The following PCDHA13 variants were observed in gnomAD, a reference collection of about 807,000 sequenced individuals.
PCDHA13 encodes the protein protocadherin alpha 13.
In PCDHA13, 54 loss-of-function variants were observed where a neutral mutation model predicts 64.8. That is an observed-to-expected ratio of 0.83 (90% CI 0.67 to 1.04). PCDHA13 has a LOEUF of 1.04. Ranked by LOEUF, PCDHA13 falls within the 50% of genes least tolerant of loss-of-function variation. The pLI is 0.00. For missense variants in PCDHA13, 1,248 were observed against 1,254.3 expected (o/e 0.99, Z 0.08); for synonymous variants, 587 against 564.4 (o/e 1.04, Z -0.57).
Position 140,988,605 on chromosome 5 carries a change from A to G in PCDHA13, c.2542+6042A>G, listed in dbSNP as rs558232011. Among the ~76,000 whole-genome samples, 7 of 152,332 alleles carry G rather than the reference A, an allele frequency of 4.6e-5. No homozygotes were observed. In the East Asian group the frequency reaches 1.2e-3, roughly 25 times the overall value. On this transcript the variant is annotated intron_variant, in intron 3 of 3. Coordinates refer to ENST00000289272, the MANE Select transcript of PCDHA13 (RefSeq NM_018904.3). ...TTCCACTTTTAATGGTCATGTAAAT[A>G]AAAGACTAGAATGGAGATGTCCTGG...
At chr5:140,967,944 A>G (rs782135204) in intron 1 of PCDHA13, 4 of 1,613,970 alleles carry the variant, frequency 2.5e-6, no homozygotes. Flanking sequence ...AATGACCAAG[A>G]CTCAGGCCCC....
intron 1 of PCDHA13, chr5:140,928,699 G>C (rs782291734): frequency 1.2e-6 from 2 of 1,614,170 alleles, no homozygotes; most frequent in East Asian, 2.2e-5. Flanking sequence ...CATCTCCCGG[G>C]CGTCTGACTC....
intron 1 of PCDHA13, among the ~76,000 whole-genome samples, chr5:140,914,094 T>A (rs563496078): frequency 6.9e-4 from 105 of 152,324 alleles, no homozygotes; most frequent in African/African-American, 2.5e-3. Context: ...GTCAATTTGT[T>A]CTATAGTGCA....
intron 1 of PCDHA13, among the ~76,000 whole-genome samples, chr5:140,910,513 A>G (rs1293675976): frequency 2.0e-5 from 3 of 152,184 alleles, no homozygotes; most frequent in Non-Finnish European, 4.4e-5. Flanking sequence ...CTCTTCAAGG[A>G]TGCAGGTACT....
At chr5:140,935,232 A>G (rs2090253350) in intron 1 of PCDHA13, among the ~76,000 whole-genome samples, 1 of 152,110 alleles carries the variant, frequency 6.6e-6, no homozygotes, top group African/African-American at 2.4e-5. Context: ...AGGGATGTCT[A>G]TTTTTTAAAA....
Position 140,978,986 on chromosome 5 carries a change from C to A in PCDHA13, c.2432C>A (p.Ser811Tyr). The change falls in exon 2 of 4, where the codon TCC becomes TAC. Residue 811 changes from serine (S) to tyrosine (Y), a missense_variant. Ser to Tyr is a moderately radical substitution (Grantham distance 144). Coordinates refer to ENST00000289272, the MANE Select transcript of PCDHA13 (RefSeq NM_018904.3). ...AACCCTGACTGGCGTTACTCTGCCT[C>A]CCTGAGAGCAGGCATGCACAGGTAT... ...QPNPDWRYSA[S>Y]LRAGMHSSVH... is the part of the protein sequence containing the mutation. The A allele has an allele frequency of 6.2e-7, 1 of 1,614,190 alleles. No homozygotes were observed. The highest frequency in any genetic ancestry group is 1.7e-5 in the Admixed American group (1 of 60,026).
chr5:140,965,424 G>A (rs2095899424), intron 1 of PCDHA13, among the ~76,000 whole-genome samples: 1 of 152,086 alleles, frequency 6.6e-6, no homozygotes, highest in African/African-American at 2.4e-5. Flanking sequence ...AGGAAGATAA[G>A]CTGCAGTCAT....
intron 1 of PCDHA13, among the ~76,000 whole-genome samples, chr5:140,941,214 C>CCTTTCTTTCTTCCTTT (rs2092876516): frequency 8.2e-6 from 1 of 122,414 alleles, no homozygotes; most frequent in Non-Finnish European, 1.7e-5. Context: ...TTTCTTTCTT[C>CCTTTCTTTCTTCCTTT]CTTTCTTTCT....
chr5:140,965,326 A>T (rs184855153), intron 1 of PCDHA13, among the ~76,000 whole-genome samples: 1 of 152,298 alleles, frequency 6.6e-6, no homozygotes, highest in African/African-American at 2.4e-5. Context: ...TACTGAAGTG[A>T]ATTTGTTGTC....
intron 1 of PCDHA13, among the ~76,000 whole-genome samples, chr5:140,912,343 ATTT>A (rs35252606): frequency 2.8e-5 from 4 of 143,838 alleles, no homozygotes; most frequent in African/African-American, 5.1e-5. Context: ...TACACTAAGT[ATTT>A]TTTTTTTTTT....
intron 1 of PCDHA13, among the ~76,000 whole-genome samples, chr5:140,936,899 A>G (rs2091202352): frequency 6.6e-6 from 1 of 152,188 alleles, no homozygotes; most frequent in South Asian, 2.1e-4. Context: ...AATTGGCACT[A>G]TATTGAATCT....
chr5:140,982,584 C>T (rs1554244599), intron 3 of PCDHA13, 21 bp downstream of exon 3: 1 of 1,612,032 alleles, frequency 6.2e-7, no homozygotes, highest in East Asian at 2.2e-5. Flanking sequence ...GGGGTCTCTC[C>T]ATTCTTTCTT....
chr5:140,959,622 A>T (rs1489618654), intron 1 of PCDHA13, among the ~76,000 whole-genome samples: 1 of 152,194 alleles, frequency 6.6e-6, no homozygotes, highest in Admixed American at 6.5e-5. Flanking sequence ...TTGTGATAGA[A>T]AAAAAGAGAG....
intron 3 of PCDHA13, among the ~76,000 whole-genome samples, chr5:140,997,683 T>C (rs782444752): frequency 6.6e-6 from 1 of 152,044 alleles, no homozygotes; most frequent in Non-Finnish European, 1.5e-5. Context: ...TGTGTGTGTG[T>C]GTGTGTGTGT....
At position 140,955,726 on chromosome 5, in the gene PCDHA13, C is replaced by A. The variant is rs934215613; in HGVS notation, c.2395-23223C>A. Among the ~76,000 whole-genome samples the A allele has an allele frequency of 8.5e-5, 13 of 152,264 alleles. No individual in the cohort carries two copies. In the South Asian group the frequency reaches 2.5e-3, roughly 29 times the overall value. Reference sequence around the variant, plus strand: ...AAGTTTAATAGGAATACCATTGAATCTATAAATTACTTTGAGCATTATTGC... The same window carrying A: ...AAGTTTAATAGGAATACCATTGAATATATAAATTACTTTGAGCATTATTGC... On this transcript the variant is annotated intron_variant, in intron 1 of 3. Coordinates refer to ENST00000289272, the MANE Select transcript of PCDHA13 (RefSeq NM_018904.3).
At position 140,982,581 on chromosome 5, in the gene PCDHA13, C is replaced by G. The variant is rs782060139; in HGVS notation, c.2542+18C>G. 6.2e-7 allele frequency: 1 copy of G among 1,612,214 alleles called. No homozygotes were observed. The highest frequency in any genetic ancestry group is 1.1e-5 in the South Asian group (1 of 90,796). The stretch of plus-strand genomic sequence containing the variant: ...AACACCAGGTAAAGAGCTGGGGTCT[C>G]TCCATTCTTTCTTGGTTTCTGGAAA... On this transcript the variant is annotated intron_variant, in intron 3 of 3. Transcript: ENST00000289272.
intron 1 of PCDHA13, among the ~76,000 whole-genome samples, chr5:140,930,847 A>G (rs1411771257): frequency 6.6e-6 from 1 of 152,224 alleles, no homozygotes; most frequent in Non-Finnish European, 1.5e-5. Context: ...AAATATGTGC[A>G]TATATGAATT....
rs147351924 is a variant in PCDHA13, at chr5:141,009,782, C to T, written c.2698C>T (p.Arg900Trp). 27 of 1,613,956 alleles carry T rather than the reference C, an allele frequency of 1.7e-5. No homozygotes were observed. The highest frequency in any genetic ancestry group is 9.9e-5 in the South Asian group (9 of 91,070). ...AGGATCTCCTGCAATCATCTCCATCCGGCAGGAGCCTACTAACAGCCAAAT... is the reference window on the plus strand; with the variant it reads ...AGGATCTCCTGCAATCATCTCCATCTGGCAGGAGCCTACTAACAGCCAAAT... ...IPGSPAIISI[R>W]QEPTNSQIDK... is the part of the protein sequence containing the mutation. The change falls in exon 4 of 4, where the codon CGG becomes TGG. Residue 900 changes from arginine (R) to tryptophan (W), a missense_variant. Coordinates refer to ENST00000289272, the MANE Select transcript of PCDHA13 (RefSeq NM_018904.3).
intron 1 of PCDHA13, among the ~76,000 whole-genome samples, chr5:140,890,543 C>T (rs1388914629): frequency 6.6e-6 from 1 of 152,012 alleles, no homozygotes; most frequent in Non-Finnish European, 1.5e-5. Context: ...TTTGAAATGA[C>T]TGAGTACTTT....
Sources: allele counts gnomAD v4.1 joint callset (sites outside exome capture counted in the v4.1 genomes callset), GRCh38; gene constraint gnomAD v4.1.1; transcripts MANE v1.5; gene names NCBI Gene and HGNC (gene_info 2026-07-23, HGNC 2026-07-21).